DCHS2: variants seen among roughly 807,000 people sequenced by gnomAD.
DCHS2 encodes the protein dachsous cadherin-related 2.
DCHS2 carries 142 observed loss-of-function variants against 182.4 expected under a neutral mutation model. That is an observed-to-expected ratio of 0.78 (90% CI 0.68 to 0.89). DCHS2 has a LOEUF of 0.89. DCHS2 is among the 40% of genes least tolerant of loss of function. The pLI is 0.00. For missense variants in DCHS2, 4,319 were observed against 4,198.6 expected (o/e 1.03, Z -0.79); for synonymous variants, 1,740 against 1,663.3 (o/e 1.05, Z -1.12).
intron 7 of DCHS2, among the ~76,000 whole-genome samples, chr4:154,325,534 C>A (rs1736245593): frequency 6.6e-6 from 1 of 151,876 alleles, no homozygotes; most frequent in Admixed American, 6.6e-5. Flanking sequence ...ACCCAAGGAC[C>A]AGATTAAAAT....
chr4:154,435,150 G>A (rs1733723619), intron 1 of DCHS2, among the ~76,000 whole-genome samples: 1 of 152,168 alleles, frequency 6.6e-6, no homozygotes, highest in Non-Finnish European at 1.5e-5. Flanking sequence ...GGTACACAGA[G>A]AATCTGTACT....
intron 13 of DCHS2, among the ~76,000 whole-genome samples, chr4:154,289,066 TAAC>T (rs1379108411): frequency 6.6e-6 from 1 of 151,224 alleles, no homozygotes; most frequent in African/African-American, 2.4e-5. Flanking sequence ...AGAAAAGAAA[TAAC>T]AAAGATCAGA....
chr4:154,404,946 C>G (rs571367590), intron 1 of DCHS2, among the ~76,000 whole-genome samples: 2 of 152,168 alleles, frequency 1.3e-5, no homozygotes, highest in African/African-American at 2.4e-5. Context: ...AGTCCACCCA[C>G]TTTAAACATT....
Position 154,242,716 on chromosome 4 carries a change from A to C in DCHS2, c.6998T>G (p.Ile2333Ser), listed in dbSNP as rs1273116947. The change falls in exon 17 of 20, where the codon ATC becomes AGC. Residue 2333 changes from isoleucine to serine, a missense_variant. Coordinates refer to ENST00000357232, the MANE Select transcript of DCHS2 (RefSeq NM_001358235.2). The stretch of plus-strand genomic sequence containing the variant: ...ATTTATATCAGTCACCTGTACCTTG[A>C]TTACAGTCGTATTAGAAAGCCTGGG... ...GMPRLSNTTV[I>S]KVQVTDINDN... 1 of 1,612,952 alleles carries C rather than the reference A, an allele frequency of 6.2e-7. No homozygotes were observed. The highest frequency in any genetic ancestry group is 1.7e-5 in the Admixed American group (1 of 59,928).
chr4:154,491,673 T>A lies in DCHS2; in HGVS notation c.-318A>T, dbSNP rs1579137261. On this transcript the variant is annotated 5_prime_UTR_variant, in exon 1 of 20. An upstream open reading frame in the 5' UTR gains an earlier in-frame stop. Coordinates refer to ENST00000357232, the MANE Select transcript of DCHS2 (RefSeq NM_001358235.2). ...TTCCCTTTACATCTGTTCCTTGTTC[T>A]ACTCGGCTGGTTGTTCCCCCCTGGT... 8 of 1,174,900 alleles carry A rather than the reference T, an allele frequency of 6.8e-6. No individual in the cohort carries two copies. The highest frequency in any genetic ancestry group is 8.4e-6 in the Non-Finnish European group (8 of 952,986). The allele number at this position is 1,174,900 out of a possible 1,614,324, so 72.8% of individuals were successfully genotyped here.
chr4:154,352,970 G>A (rs1332114653), intron 3 of DCHS2, among the ~76,000 whole-genome samples: 1 of 152,158 alleles, frequency 6.6e-6, no homozygotes, highest in Non-Finnish European at 1.5e-5. Context: ...CAGTTTAAGG[G>A]TGAACTAGAA....
intron 16 of DCHS2, among the ~76,000 whole-genome samples, chr4:154,254,521 A>C (rs1220540667): frequency 3.9e-5 from 6 of 152,148 alleles, no homozygotes; most frequent in African/African-American, 7.2e-5. Flanking sequence ...GTCCCCACTC[A>C]TGGATATTTT....
At chr4:154,333,611 G>T in intron 4 of DCHS2, 117 bp from the exon 5 acceptor site, 1 of 936,892 alleles carries the variant, frequency 1.1e-6, no homozygotes, top group Non-Finnish European at 1.6e-6. Context: ...GTCAATGATG[G>T]ATCACATATA....
chr4:154,257,221 C>A (rs1345831965), intron 15 of DCHS2, among the ~76,000 whole-genome samples: 1 of 152,144 alleles, frequency 6.6e-6, no homozygotes, highest in Non-Finnish European at 1.5e-5. Flanking sequence ...ACACTCCAGC[C>A]TGGCGACAGA....
intron 1 of DCHS2, among the ~76,000 whole-genome samples, chr4:154,436,985 C>T (rs1733807007): frequency 6.6e-6 from 1 of 152,158 alleles, no homozygotes; most frequent in Admixed American, 6.5e-5. Context: ...CCTCTTCCTT[C>T]TTTTGGTGTG....
intron 3 of DCHS2, among the ~76,000 whole-genome samples, chr4:154,361,405 G>T (rs987558326): frequency 1.3e-5 from 2 of 152,038 alleles, no homozygotes; most frequent in African/African-American, 4.8e-5. Context: ...CTAAAGAACT[G>T]CTCTTTTAAT....
At chr4:154,287,696 G>T (rs946186762) in intron 13 of DCHS2, among the ~76,000 whole-genome samples, 1 of 151,998 alleles carries the variant, frequency 6.6e-6, no homozygotes. Flanking sequence ...TGGCCAGGCT[G>T]GTCATGAACT....
intron 16 of DCHS2, among the ~76,000 whole-genome samples, chr4:154,253,192 A>T (rs200390546): frequency 0.084 from 11,916 of 142,394 alleles, 1,503 homozygotes; most frequent in African/African-American, 0.28. Flanking sequence ...AGAGAGAGAG[A>T]GTGTGTGTGT....
intron 19 of DCHS2, among the ~76,000 whole-genome samples, chr4:154,238,857 T>C (rs1026552966): frequency 6.6e-6 from 1 of 152,144 alleles, no homozygotes; most frequent in African/African-American, 2.4e-5. Flanking sequence ...CCTGGGATAA[T>C]TGCCTGAACT....
intron 1 of DCHS2, among the ~76,000 whole-genome samples, chr4:154,400,010 G>A (rs1412022825): frequency 6.6e-6 from 1 of 151,126 alleles, no homozygotes; most frequent in Non-Finnish European, 1.5e-5. Flanking sequence ...TTAAAAGTAA[G>A]TAGGCTTTCA....
chr4:154,449,784 T>C (rs919444830), intron 1 of DCHS2, among the ~76,000 whole-genome samples: 8 of 152,236 alleles, frequency 5.3e-5, no homozygotes, highest in African/African-American at 1.9e-4. Flanking sequence ...GTTTAACTTA[T>C]TAGACAAATG....
At chr4:154,447,221 G>A (rs1160269609) in intron 1 of DCHS2, among the ~76,000 whole-genome samples, 5 of 152,152 alleles carry the variant, frequency 3.3e-5, no homozygotes, top group Non-Finnish European at 5.9e-5. Context: ...GAACCTGGGA[G>A]GCAGGGGATG....
chr4:154,348,281 T>C (rs1401749236), intron 3 of DCHS2, among the ~76,000 whole-genome samples: 2 of 151,918 alleles, frequency 1.3e-5, no homozygotes, highest in African/African-American at 4.9e-5. Flanking sequence ...AAATATTCAG[T>C]TTAAAGGAAA....
chr4:154,423,998 A>C lies in DCHS2; in HGVS notation c.2053-46554T>G, dbSNP rs570391551. ...TCAAGCCTGCTGGCATTTTAGAAAT[A>C]TCTTCAAATCATTTTTGATAAATTA... On this transcript the variant is annotated intron_variant, in intron 1 of 19. Transcript: ENST00000357232. 2.5e-4 allele frequency among the ~76,000 whole-genome samples: 38 copies of C among 152,354 alleles called. 1 individual carries two copies. The highest frequency in any genetic ancestry group is 6.8e-3 in the Middle Eastern group (2 of 294).
Sources: allele counts gnomAD v4.1 joint callset (sites outside exome capture counted in the v4.1 genomes callset), GRCh38; gene constraint gnomAD v4.1.1; transcripts MANE v1.5; gene names NCBI Gene and HGNC (gene_info 2026-07-23, HGNC 2026-07-21).